The following ANKS1B variants were observed in gnomAD, a reference collection of about 807,000 sequenced individuals.
ANKS1B encodes ankyrin repeat and sterile alpha motif domain-containing protein 1B.
A neutral mutation model predicts 148.3 loss-of-function variants in ANKS1B; 36 were observed. The ratio of observed to expected loss-of-function variants is 0.24; its 90% confidence interval spans 0.19 to 0.32. ANKS1B has a LOEUF of 0.32. ANKS1B is among the 10% of genes least tolerant of loss of function. ANKS1B has a pLI of 1.00. For synonymous variants in ANKS1B, 542 were observed against 560.8 expected, an observed-to-expected ratio of 0.97 and a Z score of 0.47; for missense variants, 1,157 against 1,542.6, an observed-to-expected ratio of 0.75 and a Z score of 4.19.
intron 17 of ANKS1B, among the ~76,000 whole-genome samples, chr12:98,920,700 C>T (rs1424736007): frequency 6.6e-6 from 1 of 152,212 alleles, no homozygotes; most frequent in Non-Finnish European, 1.5e-5. Context: ...CAAACCATAT[C>T]AATTACTAAG....
At chr12:99,296,933 T>C (rs1420403225) in intron 12 of ANKS1B, among the ~76,000 whole-genome samples, 1 of 152,208 alleles carries the variant, frequency 6.6e-6, no homozygotes, top group East Asian at 1.9e-4. Flanking sequence ...CTTAAAGCTG[T>C]AGTTCTCTTG....
chr12:99,691,115 T>C (rs2098676952), intron 8 of ANKS1B, among the ~76,000 whole-genome samples: 1 of 152,226 alleles, frequency 6.6e-6, no homozygotes, highest in Non-Finnish European at 1.5e-5. Flanking sequence ...CCTTTGCCCC[T>C]TTTAGCCATG....
Position 99,917,417 on chromosome 12 carries a change from AAAAGCATATACTCCCTCTCACCAAG to A in ANKS1B, c.134+66662_134+66686del, listed in dbSNP as rs1418393698. On this transcript the variant is annotated intron_variant, in intron 1 of 26. Coordinates refer to ENST00000683438, the MANE Select transcript of ANKS1B (RefSeq NM_001352186.2). ...AGGGATGGAGGCTATGCATGGGCAT[AAAAGCATATACTCCCTCTCACCAAG>A]GGTAATCTAGCTATTGACAGTGCTG... is the stretch of plus-strand genomic sequence containing the variant. 1.4e-4 allele frequency among the ~76,000 whole-genome samples: 21 copies of A among 152,356 alleles called. No homozygotes were observed. In the East Asian group the frequency reaches 4.1e-3, roughly 29 times the overall value.
intron 1 of ANKS1B, among the ~76,000 whole-genome samples, chr12:99,856,716 G>A (rs2089166040): frequency 6.6e-6 from 1 of 152,056 alleles, no homozygotes; most frequent in Admixed American, 6.6e-5. Context: ...GAGGGATGCG[G>A]GGACGGTTTA....
intron 11 of ANKS1B, among the ~76,000 whole-genome samples, chr12:99,418,582 A>C (rs1425064235): frequency 2.0e-5 from 3 of 152,120 alleles, no homozygotes; most frequent in Admixed American, 6.5e-5. Context: ...CAATCATGTC[A>C]TCTGCAAATA....
chr12:99,350,072 T>G (rs763079227), intron 12 of ANKS1B, among the ~76,000 whole-genome samples: 27 of 152,038 alleles, frequency 1.8e-4, no homozygotes, highest in Non-Finnish European at 3.7e-4. Context: ...TGGTGGGATG[T>G]CATTTGATCA....
intron 17 of ANKS1B, among the ~76,000 whole-genome samples, chr12:98,849,204 T>G (rs2099506981): frequency 6.6e-6 from 1 of 152,166 alleles, no homozygotes; most frequent in African/African-American, 2.4e-5. Flanking sequence ...TTTAATTCTT[T>G]GAGATGAAGT....
chr12:99,209,416 T>A (rs2153908902), intron 14 of ANKS1B, among the ~76,000 whole-genome samples: 1 of 152,306 alleles, frequency 6.6e-6, no homozygotes. Context: ...TCTTTAACTA[T>A]TTTTTGAGTT....
Position 98,829,477 on chromosome 12 carries a change from G to A in ANKS1B, c.2887-124C>T. 2 of 845,084 alleles carry A rather than the reference G, an allele frequency of 2.4e-6. No individual in the cohort carries two copies. Among genetic ancestry groups the A allele is most frequent in the Non-Finnish European group, 3.7e-6 (2 of 542,866 alleles). 52.3% of individuals were successfully genotyped at this position (845,084 alleles called of 1,614,324 possible). On this transcript the variant is annotated intron_variant, in intron 18 of 26. Coordinates refer to ENST00000683438, the MANE Select transcript of ANKS1B (RefSeq NM_001352186.2). The surrounding 1 kb of genome is among the most constrained non-coding windows in gnomAD (Gnocchi z 5.2). Reference sequence around the variant, plus strand: ...AGTCGCTTTTGAAGCAACAGCCAAGGAATGAATGACATTCCACCACTTTAT... The same window carrying A: ...AGTCGCTTTTGAAGCAACAGCCAAGAAATGAATGACATTCCACCACTTTAT...
At chr12:99,703,526 C>T (rs772492591) in intron 8 of ANKS1B, among the ~76,000 whole-genome samples, 9 of 152,030 alleles carry the variant, frequency 5.9e-5, no homozygotes, top group East Asian at 1.9e-4. Context: ...TTTCACGCCT[C>T]GTATCTTTAC....
intron 17 of ANKS1B, among the ~76,000 whole-genome samples, chr12:98,918,304 C>T (rs1358041054): frequency 1.3e-5 from 2 of 152,146 alleles, no homozygotes; most frequent in African/African-American, 4.8e-5. Context: ...AGAAGATGAT[C>T]TAAAAGGAGT....
At chr12:99,601,765 G>A (rs2097801930) in intron 9 of ANKS1B, among the ~76,000 whole-genome samples, 2 of 152,156 alleles carry the variant, frequency 1.3e-5, no homozygotes, top group East Asian at 3.9e-4. Flanking sequence ...GGACAGTTGT[G>A]TAGAAATGAG....
intron 14 of ANKS1B, among the ~76,000 whole-genome samples, chr12:99,183,415 G>A (rs1010808118): frequency 3.9e-5 from 6 of 152,160 alleles, no homozygotes; most frequent in East Asian, 1.9e-4. Flanking sequence ...AGGCCAAGGC[G>A]GGCGGATCAT....
intron 9 of ANKS1B, among the ~76,000 whole-genome samples, chr12:99,600,710 G>A (rs1258692499): frequency 6.6e-6 from 1 of 151,788 alleles, no homozygotes; most frequent in Non-Finnish European, 1.5e-5. Context: ...AACTTAACTG[G>A]GTCAAAAATT....
intron 9 of ANKS1B, among the ~76,000 whole-genome samples, chr12:99,619,044 G>A (rs1000358571): frequency 3.3e-5 from 5 of 152,062 alleles, no homozygotes; most frequent in African/African-American, 1.2e-4. Flanking sequence ...GGCTGGCTTG[G>A]TGACCTGCTG....
At chr12:99,654,853 T>C (rs2098442427) in intron 9 of ANKS1B, among the ~76,000 whole-genome samples, 1 of 152,222 alleles carries the variant, frequency 6.6e-6, no homozygotes, top group Non-Finnish European at 1.5e-5. Context: ...TAAATAATAC[T>C]AATTTTTTAC....
intron 11 of ANKS1B, among the ~76,000 whole-genome samples, 164 bp downstream of exon 11, chr12:99,443,509 A>G (rs2095584347): frequency 2.0e-5 from 3 of 152,012 alleles, no homozygotes; most frequent in Admixed American, 6.6e-5. Context: ...TTTATCACCA[A>G]CTTGAAAGGA....
intron 4 of ANKS1B, among the ~76,000 whole-genome samples, chr12:99,783,184 C>T (rs1469572269): frequency 6.8e-6 from 1 of 147,816 alleles, no homozygotes; most frequent in African/African-American, 2.5e-5. Context: ...GAGTGAGAAT[C>T]CATCGCAAAA....
At chr12:99,574,773 T>A (rs1016742392) in intron 9 of ANKS1B, among the ~76,000 whole-genome samples, 4 of 152,042 alleles carry the variant, frequency 2.6e-5, no homozygotes, top group African/African-American at 7.2e-5. Context: ...AGGGAAACTT[T>A]CTCAACCTGA....
Sources: gnomAD v4.1 joint callset for allele counts (sites outside exome capture counted in the v4.1 genomes callset) on GRCh38, gnomAD v4.1.1 for gene constraint, Gnocchi (gnomAD v3.1) non-coding constraint, MANE v1.5 for transcripts, NCBI Gene and HGNC (gene_info 2026-07-23, HGNC 2026-07-21) for gene names.